NOL10: variants seen among roughly 807,000 people sequenced by gnomAD.
NOL10 encodes the protein nucleolar protein 10.
NOL10 carries 58 observed loss-of-function variants against 103.5 expected under a neutral mutation model. The ratio of observed to expected loss-of-function variants is 0.56; its 90% CI spans 0.45 to 0.70. The LOEUF is 0.70. Among genes scored for constraint, NOL10 ranks in the 30% least tolerant of loss-of-function variants. NOL10 has a pLI of 0.00. For synonymous variants in NOL10, 287 were observed against 282.5 expected, an observed-to-expected ratio of 1.02 and a Z score of -0.16; for missense variants, 763 against 807.3, an observed-to-expected ratio of 0.95 and a Z score of 0.67.
Position 10,571,983 on chromosome 2 carries a change from G to C in NOL10, c.*88C>G. On this transcript the variant is annotated 3_prime_UTR_variant, in exon 21 of 21. Coordinates refer to ENST00000381685, the MANE Select transcript of NOL10 (RefSeq NM_024894.4). ...ACGTACATGAACTTTAAAAACGTGT[G>C]TTTCCTCGTCTGTGTTTAACACCCT... 1.4e-6 allele frequency: 2 copies of C among 1,441,154 alleles called. No individual in the cohort carries two copies. The highest frequency in any genetic ancestry group is 1.2e-5 in the South Asian group (1 of 81,868). The allele number at this position is 1,441,154 out of a possible 1,614,324, so 89.3% of individuals were successfully genotyped here.
At chr2:10,645,323 A>G (rs998604289) in intron 12 of NOL10, among the ~76,000 whole-genome samples, 1 of 152,204 alleles carries the variant, frequency 6.6e-6, no homozygotes, top group Non-Finnish European at 1.5e-5. Flanking sequence ...CACAGAGAGA[A>G]GACATTTAGA....
chr2:10,611,646 T>A (rs950714988), intron 13 of NOL10, among the ~76,000 whole-genome samples: 1 of 152,002 alleles, frequency 6.6e-6, no homozygotes, highest in African/African-American at 2.4e-5. Flanking sequence ...CCAGGCACAG[T>A]GGCTCACACC....
At chr2:10,595,967 T>A (rs1675667607) in intron 17 of NOL10, among the ~76,000 whole-genome samples, 1 of 151,562 alleles carries the variant, frequency 6.6e-6, no homozygotes, top group African/African-American at 2.4e-5. Context: ...AACTGTAATT[T>A]AAAAAAAACA....
intron 10 of NOL10, 83 bp from the exon 11 acceptor site, chr2:10,657,974 A>G: frequency 9.4e-7 from 1 of 1,067,862 alleles, no homozygotes; most frequent in Non-Finnish European, 1.3e-6. Context: ...AATGGCAGCC[A>G]TTTGCTTCAT....
intron 13 of NOL10, among the ~76,000 whole-genome samples, chr2:10,624,420 A>T (rs1677335155): frequency 6.6e-6 from 1 of 152,080 alleles, no homozygotes; most frequent in East Asian, 1.9e-4. Context: ...TCCTCAGAAA[A>T]AGATATTAAA....
At chr2:10,611,570 C>T (rs1431273863) in intron 13 of NOL10, among the ~76,000 whole-genome samples, 1 of 152,184 alleles carries the variant, frequency 6.6e-6, no homozygotes, top group African/African-American at 2.4e-5. Context: ...CTTCCTGAGC[C>T]CAGGAGTTCA....
At chr2:10,665,618 C>CTAGAACG (rs1451622668) in intron 8 of NOL10, among the ~76,000 whole-genome samples, 2 of 152,190 alleles carry the variant, frequency 1.3e-5, no homozygotes, top group Non-Finnish European at 2.9e-5. Context: ...CTTAAACCAG[C>CTAGAACG]TGCTGGAAGA....
intron 13 of NOL10, among the ~76,000 whole-genome samples, chr2:10,631,156 T>C (rs1040961066): frequency 2.0e-5 from 3 of 152,210 alleles, no homozygotes; most frequent in African/African-American, 4.8e-5. Flanking sequence ...CAACATATAC[T>C]AATGGGGCAA....
chr2:10,669,716 A>G (rs1267050839), intron 6 of NOL10, among the ~76,000 whole-genome samples: 2 of 151,078 alleles, frequency 1.3e-5, no homozygotes, highest in African/African-American at 2.4e-5. Flanking sequence ...ATATGGTGAA[A>G]CCCTGTCTCT....
chr2:10,617,600 C>T (rs1676901967), intron 13 of NOL10, among the ~76,000 whole-genome samples: 1 of 151,948 alleles, frequency 6.6e-6, no homozygotes, highest in Non-Finnish European at 1.5e-5. Flanking sequence ...CACAAAGAAA[C>T]AAGAAAAGCA....
intron 13 of NOL10, among the ~76,000 whole-genome samples, chr2:10,634,776 A>G (rs1320834310): frequency 2.0e-5 from 3 of 152,182 alleles, no homozygotes; most frequent in Non-Finnish European, 1.5e-5. Flanking sequence ...GAAGACTGAA[A>G]AGAGATAACT....
At chr2:10,688,055 T>C (rs894203064) in intron 1 of NOL10, among the ~76,000 whole-genome samples, 41 of 152,094 alleles carry the variant, frequency 2.7e-4, no homozygotes, top group Admixed American at 4.6e-4. Context: ...AACTGAAGAG[T>C]TCTCTGATTC....
rs1199727502 is a variant in NOL10 at position 10,657,809 on chromosome 2, A to C, written c.839T>G (p.Phe280Cys). Reference sequence around the variant, plus strand: ...CAAAATCAGATCTAATGAATCCTGGAAATGAACGGACTTAATGGGCAGCCC... The same window carrying C: ...CAAAATCAGATCTAATGAATCCTGGCAATGAACGGACTTAATGGGCAGCCC... ...QYGLPIKSVH[F>C]QDSLDLILSA... The change falls in exon 11 of 21, where the codon TTC (phenylalanine) becomes TGC (cysteine). Residue 280 changes from phenylalanine (F) to cysteine (C), a missense_variant. Physicochemically the swap from Phe to Cys is radical, Grantham distance 205. Transcript: ENST00000381685. 2 of 1,551,356 alleles carry C rather than the reference A, an allele frequency of 1.3e-6. No individual in the cohort carries two copies. The highest frequency in any genetic ancestry group is 3.9e-5 in the Admixed American group (2 of 50,994).
intron 13 of NOL10, among the ~76,000 whole-genome samples, chr2:10,636,420 C>CAAAAAAAAAAAAAAAAAAAA (rs70953327): frequency 3.7e-5 from 2 of 54,700 alleles, no homozygotes; most frequent in Non-Finnish European, 3.1e-5. Flanking sequence ...TACAAAAAAC[C>CAAAAAAAAAAAAAAAAAAAA]AAAAAAAAAA....
intron 13 of NOL10, among the ~76,000 whole-genome samples, chr2:10,634,906 T>C (rs938752195): frequency 2.6e-5 from 4 of 152,196 alleles, no homozygotes; most frequent in Admixed American, 6.5e-5. Context: ...ATGATGTGCA[T>C]ATGAGATGTA....
rs981311766 is a variant in NOL10, at chr2:10,659,175, C to T, written c.753G>A (p.Gly251=). 8 of 1,596,308 alleles carry T rather than the reference C, an allele frequency of 5.0e-6. No homozygotes were observed. The African/African-American group carries it at 8.0e-5, about 16-fold the overall frequency. Residue 251 remains glycine (G), a synonymous_variant, in exon 10 of 21, where the codon GGG becomes GGA. Coordinates refer to ENST00000381685, the MANE Select transcript of NOL10 (RefSeq NM_024894.4). ...ALTMAVGTTT[G]QVLLYDLRSD... ...TTTCCAAATTAAACATATTTACCTG[C>T]CCTGTGGTTGTTCCAACTGCCATGG...
In NOL10 at chr2:10,570,954, G is replaced by A. The variant is rs1226555837; in HGVS notation, c.*1117C>T. 6.6e-6 allele frequency: 1 copy of A among 151,640 alleles called. No homozygotes were observed. Among genetic ancestry groups the A allele is most frequent in the Non-Finnish European group, 1.5e-5 (1 of 68,000 alleles). 9.4% of individuals were successfully genotyped at this position (151,640 alleles called of 1,614,324 possible). ...TTATCTGAAATGCTTGGGACCAGAA[G>A]TCTTTTAGACTTTGGTTTTTTTGTG... On this transcript the variant is annotated 3_prime_UTR_variant, in exon 21 of 21. Transcript: ENST00000381685.
At chr2:10,682,541 C>T (rs1681851410) in intron 2 of NOL10, among the ~76,000 whole-genome samples, 1 of 151,406 alleles carries the variant, frequency 6.6e-6, no homozygotes, top group Non-Finnish European at 1.5e-5. Context: ...GCTAGGACTA[C>T]AGGCGCATGC....
chr2:10,647,884 C>G (rs937167552), intron 12 of NOL10, among the ~76,000 whole-genome samples: 4 of 152,178 alleles, frequency 2.6e-5, no homozygotes, highest in Admixed American at 6.5e-5. Flanking sequence ...TAATTTCTAC[C>G]ACTATTAAGC....
Sources: allele counts gnomAD v4.1 joint callset (sites outside exome capture counted in the v4.1 genomes callset), GRCh38; gene constraint gnomAD v4.1.1; transcripts MANE v1.5; gene names NCBI Gene and HGNC (gene_info 2026-07-23, HGNC 2026-07-21).